The following DSG3 variants were observed in gnomAD, a reference collection of about 807,000 sequenced individuals.
DSG3 encodes the protein desmoglein-3.
In DSG3, 63 loss-of-function variants were observed where a neutral mutation model predicts 85.9. The ratio of observed to expected loss-of-function variants is 0.73; its 90% CI spans 0.60 to 0.90. The LOEUF (loss-of-function observed/expected upper bound fraction) is 0.90, where lower values mean the gene tolerates loss of function less well. Among genes scored for constraint, DSG3 ranks in the 40% least tolerant of loss-of-function variants. DSG3 has a pLI of 0.00. For missense variants in DSG3, 1,220 were observed against 1,219.9 expected (o/e 1.00, Z 0.00); for synonymous variants, 447 against 441.9 (o/e 1.01, Z -0.14).
At position 31,459,970 on chromosome 18, in the gene DSG3, A is replaced by G. The variant is rs944403724; in HGVS notation, c.643A>G (p.Thr215Ala). ...GTPMFLLSRNTGEVRTLTNSL... is the reference protein window; with the variant it reads ...GTPMFLLSRNAGEVRTLTNSL... ...ACCCATGTTCCTCCTAAGCAGAAAC[A>G]CTGGGGAAGTCCGTACTTTGACCAA... The change falls in exon 6 of 16, where the codon ACT becomes GCT. Residue 215 changes from threonine (T) to alanine (A), a missense_variant. Thr to Ala is a moderately conservative substitution (Grantham distance 58). Coordinates refer to ENST00000257189, the MANE Select transcript of DSG3 (RefSeq NM_001944.3). 6.2e-7 allele frequency: 1 copy of G among 1,613,974 alleles called. No individual in the cohort carries two copies. Among genetic ancestry groups the G allele is most frequent in the African/African-American group, 1.3e-5 (1 of 74,930 alleles).
intron 7 of DSG3, 64 bp from the exon 8 acceptor site, chr18:31,461,163 G>A: frequency 7.2e-7 from 1 of 1,391,190 alleles, no homozygotes; most frequent in African/African-American, 1.5e-5. Context: ...CCATTTAGAA[G>A]AAACATAATC....
chr18:31,475,535 G>T, intron 15 of DSG3, 111 bp from the exon 16 acceptor site: 1 of 1,291,092 alleles, frequency 7.7e-7, no homozygotes, highest in Non-Finnish European at 1.1e-6. Flanking sequence ...TTATTTCTAT[G>T]GATTACCTAG....
chr18:31,460,145 G>A, intron 6 of DSG3, 134 bp downstream of exon 6: 1 of 960,336 alleles, frequency 1.0e-6, no homozygotes, highest in Non-Finnish European at 1.5e-6. Flanking sequence ...CTAATCTAGG[G>A]AAATTGTTTG....
chr18:31,459,771 T>C, intron 5 of DSG3, 74 bp from the exon 6 acceptor site: 1 of 1,396,140 alleles, frequency 7.2e-7, no homozygotes, highest in Non-Finnish European at 9.7e-7. Context: ...AATGTGAACT[T>C]GTTTGGAATA....
intron 5 of DSG3, 94 bp downstream of exon 5, chr18:31,459,271 CTTAGT>C (rs1372365885): frequency 5.0e-6 from 6 of 1,199,712 alleles, no homozygotes; most frequent in East Asian, 5.0e-5. Context: ...AATTTATGCT[CTTAGT>C]TTAATCAGTA....
chr18:31,450,016 G>T (rs2072701757), intron 1 of DSG3, among the ~76,000 whole-genome samples: 2 of 152,200 alleles, frequency 1.3e-5, no homozygotes, highest in Non-Finnish European at 2.9e-5. Flanking sequence ...GGATGTATTA[G>T]ATTAAGTTAA....
At chr18:31,461,473 C>A in intron 8 of DSG3, 61 bp downstream of exon 8, 1 of 1,356,628 alleles carries the variant, frequency 7.4e-7, no homozygotes, top group Non-Finnish European at 1.0e-6. Context: ...ATGATCATTT[C>A]TACAGATAAA....
Position 31,474,141 on chromosome 18 carries a change from G to C in DSG3, c.2122G>C (p.Ala708Pro), listed in dbSNP as rs756168563. 2 of 1,613,292 alleles carry C rather than the reference G, an allele frequency of 1.2e-6. No homozygotes were observed. The highest frequency in any genetic ancestry group is 3.3e-5 in the Admixed American group (2 of 60,008). The change falls in exon 15 of 16, where the codon GCC (alanine) becomes CCC (proline). Residue 708 changes from alanine to proline, a missense_variant. Transcript: ENST00000257189. ...ESSEVCTNTY[A>P]RGTAVEGTSG... ...TTTAGAAGTTTGTACAAATACGTAT[G>C]CCAGAGGCACAGCGGTGGAAGGCAC...
Position 31,469,222 on chromosome 18 carries a change from C to T in DSG3, c.1770C>T (p.Asp590=), listed in dbSNP as rs1381987782. 1 of 1,614,164 alleles carries T rather than the reference C, an allele frequency of 6.2e-7. No individual in the cohort carries two copies. Among genetic ancestry groups the T allele is most frequent in the Admixed American group, 1.7e-5 (1 of 60,022 alleles). The stretch of plus-strand genomic sequence containing the variant: ...TGACACTGGAAGTCTGTCAGTGTGA[C>T]AACAGGGGCATCTGTGGAACTTCTT... ...RSLTLEVCQC[D]NRGICGTSYP... The change falls in exon 12 of 16, where the codon GAC becomes GAT. Residue 590 remains aspartate (D), a synonymous_variant. Transcript: ENST00000257189.
In DSG3 at chr18:31,469,096, G is replaced by A. The variant is rs373234061; in HGVS notation, c.1644G>A (p.Ser548=). The change falls in exon 12 of 16, where the codon TCG becomes TCA. Residue 548 remains serine (S), a synonymous_variant. Coordinates refer to ENST00000257189, the MANE Select transcript of DSG3 (RefSeq NM_001944.3). ...VWSITTLNAT[S]ALLRAQEQIP... The stretch of plus-strand genomic sequence containing the variant: ...ATGATTCTTTCTCTACAGCTACCTC[G>A]GCCCTCCTCAGAGCCCAGGAACAGA... 1.0e-4 allele frequency: 166 copies of A among 1,612,804 alleles called. No homozygotes were observed. The highest frequency in any genetic ancestry group is 2.2e-4 in the South Asian group (20 of 91,048).
At chr18:31,466,818 G>C in intron 11 of DSG3, 64 bp downstream of exon 11, 1 of 1,449,808 alleles carries the variant, frequency 6.9e-7, no homozygotes, top group Non-Finnish European at 9.6e-7. Flanking sequence ...AGAAGAATAA[G>C]GAAGATCATT....
At chr18:31,463,413 A>G (rs898356633) in intron 8 of DSG3, among the ~76,000 whole-genome samples, 10 of 152,210 alleles carry the variant, frequency 6.6e-5, no homozygotes, top group Non-Finnish European at 8.8e-5. Context: ...AACCAATATG[A>G]GCATTTTCTT....
intron 5 of DSG3, 25 bp downstream of exon 5, chr18:31,459,202 C>T (rs987817755): frequency 8.2e-6 from 13 of 1,589,436 alleles, no homozygotes; most frequent in East Asian, 2.2e-5. Flanking sequence ...GTACTTACCA[C>T]TTTCAGTTTA....
In DSG3 at chr18:31,460,923, G is replaced by T; in HGVS notation, c.775G>T (p.Asp259Tyr). ...TQCECNIKVK[D>Y]VNDNFPMFRD... ...ATGTGAATGTAATATTAAAGTGAAA[G>T]ATGTCAACGATAACTTCCCAATGTT... The change falls in exon 7 of 16, where the codon GAT becomes TAT. Residue 259 changes from aspartate (D) to tyrosine (Y), a missense_variant. Physicochemically the swap from Asp to Tyr is radical, Grantham distance 160. Transcript: ENST00000257189. The T allele has an allele frequency of 6.2e-7, 1 of 1,603,892 alleles. No homozygotes were observed. Among genetic ancestry groups the T allele is most frequent in the Non-Finnish European group, 8.5e-7 (1 of 1,177,222 alleles).
At chr18:31,475,182 C>A (rs2072878781) in intron 15 of DSG3, among the ~76,000 whole-genome samples, 1 of 152,106 alleles carries the variant, frequency 6.6e-6, no homozygotes, top group African/African-American at 2.4e-5. Flanking sequence ...CATTTGATAA[C>A]CAAAGATTAG....
At chr18:31,457,600 CT>C (rs373813203) in intron 3 of DSG3, among the ~76,000 whole-genome samples, 3 of 83,048 alleles carry the variant, frequency 3.6e-5, no homozygotes, top group African/African-American at 1.9e-4. Flanking sequence ...TTCTTTCTTT[CT>C]TTCTTTCTTT....
At chr18:31,464,715 T>C (rs1324771333) in intron 9 of DSG3, among the ~76,000 whole-genome samples, 3 of 152,246 alleles carry the variant, frequency 2.0e-5, no homozygotes, top group Non-Finnish European at 4.4e-5. Context: ...GTTTTTATCA[T>C]ATAAAACAGC....
Position 31,456,476 on chromosome 18 carries a change from G to A in DSG3, c.84+1G>A, listed in dbSNP as rs776757048. The A allele has an allele frequency of 7.5e-7, 1 of 1,331,766 alleles. No homozygotes were observed. Among genetic ancestry groups the A allele is most frequent in the East Asian group, 2.8e-5 (1 of 35,970 alleles). The allele number at this position is 1,331,766 out of a possible 1,614,324, so 82.5% of individuals were successfully genotyped here. A position where few individuals can be genotyped will look rare whatever the true frequency, so the allele number is the denominator to read the frequency against. On this transcript the variant is annotated splice_donor_variant, in intron 2 of 15. Coordinates refer to ENST00000257189, the MANE Select transcript of DSG3 (RefSeq NM_001944.3). LOFTEE classifies it high-confidence loss of function. ...GGTTCATGGAGAATTGCGAATAGAG[G>A]TAAAGTATGAAAAAGGTTTTTGTAC...
chr18:31,452,840 T>C (rs1388009008), intron 1 of DSG3, among the ~76,000 whole-genome samples: 1 of 152,200 alleles, frequency 6.6e-6, no homozygotes, highest in East Asian at 1.9e-4. Flanking sequence ...TTATCATACT[T>C]GACTGCAGCC....
Sources: allele counts gnomAD v4.1 joint callset (sites outside exome capture counted in the v4.1 genomes callset), GRCh38; gene constraint gnomAD v4.1.1; transcripts MANE v1.5; gene names NCBI Gene and HGNC (gene_info 2026-07-23, HGNC 2026-07-21).